SLC8A1: variants seen among roughly 807,000 people sequenced by gnomAD.
SLC8A1 encodes the protein sodium/calcium exchanger 1.
SLC8A1 carries 18 observed loss-of-function variants against 68.3 expected under a neutral mutation model. That is an observed-to-expected ratio of 0.26 (90% CI 0.18 to 0.39). The LOEUF (loss-of-function observed/expected upper bound fraction) is 0.39, where lower values mean the gene tolerates loss of function less well. Ranked by LOEUF, SLC8A1 falls within the 10% of genes least tolerant of loss-of-function variation. The pLI is 1.00. For synonymous variants in SLC8A1, 475 were observed against 415.5 expected, an observed-to-expected ratio of 1.14 and a Z score of -1.74; for missense variants, 985 against 1,156.7, an observed-to-expected ratio of 0.85 and a Z score of 2.15.
intron 2 of SLC8A1, among the ~76,000 whole-genome samples, chr2:40,273,960 C>T (rs912339083): frequency 6.6e-6 from 1 of 151,372 alleles, no homozygotes; most frequent in Non-Finnish European, 1.5e-5. Context: ...GGCTCTGTCC[C>T]CCAAGGCTGC....
intron 2 of SLC8A1, among the ~76,000 whole-genome samples, chr2:40,428,160 T>A (rs1412734503): frequency 6.6e-6 from 1 of 152,168 alleles, no homozygotes; most frequent in Non-Finnish European, 1.5e-5. Flanking sequence ...TTTCTCAGCC[T>A]GTCTTAAGTC....
intron 2 of SLC8A1, among the ~76,000 whole-genome samples, chr2:40,425,077 G>C (rs971875768): frequency 1.3e-5 from 2 of 151,690 alleles, no homozygotes; most frequent in Admixed American, 6.6e-5. Flanking sequence ...ATTCCCTGTT[G>C]TAAGTCAAAA....
intron 1 of SLC8A1, among the ~76,000 whole-genome samples, chr2:40,457,493 G>C (rs562481571): frequency 6.6e-6 from 1 of 152,280 alleles, no homozygotes; most frequent in South Asian, 2.1e-4. Flanking sequence ...AGCCCTTGAA[G>C]ATGAAACCTA....
intron 2 of SLC8A1, among the ~76,000 whole-genome samples, chr2:40,273,676 A>C (rs1435135155): frequency 6.6e-6 from 1 of 152,170 alleles, no homozygotes; most frequent in African/African-American, 2.4e-5. Context: ...GTGGCCCATT[A>C]ATCAGCAATT....
intron 2 of SLC8A1, among the ~76,000 whole-genome samples, chr2:40,373,057 C>T (rs564898729): frequency 6.6e-6 from 1 of 151,460 alleles, no homozygotes; most frequent in Non-Finnish European, 1.5e-5. Flanking sequence ...AAACTATGTC[C>T]TAGCCATAAA....
intron 1 of SLC8A1, among the ~76,000 whole-genome samples, chr2:40,434,314 CA>C (rs1698979529): frequency 6.6e-6 from 1 of 152,144 alleles, no homozygotes; most frequent in South Asian, 2.1e-4. Context: ...GGCAATGAAG[CA>C]ATTGGAAAGA....
intron 1 of SLC8A1, among the ~76,000 whole-genome samples, chr2:40,478,233 C>G (rs1288618979): frequency 1.1e-5 from 1 of 94,380 alleles, no homozygotes; most frequent in Non-Finnish European, 2.2e-5. Flanking sequence ...CCCGCCCTCA[C>G]ACACAATCAG....
At chr2:40,243,497 GAAAAGA>G (rs1432051082) in intron 2 of SLC8A1, among the ~76,000 whole-genome samples, 2 of 151,978 alleles carry the variant, frequency 1.3e-5, no homozygotes, top group Non-Finnish European at 2.9e-5. Context: ...AAGAGAAAAA[GAAAAGA>G]AAGATTTCTC....
intron 2 of SLC8A1, among the ~76,000 whole-genome samples, chr2:40,286,101 G>C (rs2068259412): frequency 1.3e-5 from 2 of 152,150 alleles, no homozygotes. Context: ...ATAGTGTCTA[G>C]TACACGACAG....
rs1403363726 is a variant in SLC8A1 at position 40,165,008 on chromosome 2, G to A, written c.1931-24C>T. ...GTCTGTGAAACGGAAGTATCAGAGA[G>A]TGAGCACTGTGTTCTGTTTAATTTG... On this transcript the variant is annotated intron_variant, in intron 4 of 7. Transcript: ENST00000406785. 5 of 1,613,050 alleles carry A rather than the reference G, an allele frequency of 3.1e-6. No homozygotes were observed. The East Asian group carries it at 6.7e-5, about 22-fold the overall frequency.
At chr2:40,224,992 T>C (rs1053798045) in intron 2 of SLC8A1, among the ~76,000 whole-genome samples, 2 of 152,188 alleles carry the variant, frequency 1.3e-5, no homozygotes, top group African/African-American at 4.8e-5. Flanking sequence ...GTTTGACTGA[T>C]GGAGAGCTAG....
intron 1 of SLC8A1, among the ~76,000 whole-genome samples, chr2:40,506,106 T>C (rs964818689): frequency 2.2e-4 from 4 of 17,958 alleles, no homozygotes; most frequent in African/African-American, 5.2e-4. Flanking sequence ...CATAGATCCT[T>C]TTTTTTTTTT....
intron 1 of SLC8A1, among the ~76,000 whole-genome samples, chr2:40,489,338 C>T (rs181508705): frequency 4.6e-5 from 7 of 152,198 alleles, no homozygotes; most frequent in Admixed American, 1.3e-4. Flanking sequence ...AAAAAGCATA[C>T]GTGCAAACAC....
At chr2:40,253,625 A>C (rs1225199303) in intron 2 of SLC8A1, among the ~76,000 whole-genome samples, 2 of 151,924 alleles carry the variant, frequency 1.3e-5, no homozygotes, top group Non-Finnish European at 2.9e-5. Flanking sequence ...CAGGAGTTCG[A>C]GGCCAGCCTG....
chr2:40,247,263 C>CA (rs1327508872), intron 2 of SLC8A1, among the ~76,000 whole-genome samples: 2 of 152,164 alleles, frequency 1.3e-5, no homozygotes, highest in Non-Finnish European at 2.9e-5. Flanking sequence ...GTCATGGGTG[C>CA]AGGCAGTGCT....
rs559252014 is a variant in SLC8A1 at position 40,398,423 on chromosome 2, A to G, written c.1808+30050T>C. ...GTATATTTGTTTTTCTACTGTATGT[A>G]GTTAAATTTTAAGTAACTTAAAGAA... On this transcript the variant is annotated intron_variant, in intron 2 of 7. Transcript: ENST00000406785. Among the ~76,000 whole-genome samples, 22 of 152,330 alleles carry G rather than the reference A, an allele frequency of 1.4e-4. 1 individual carries two copies. In the South Asian group the frequency reaches 4.6e-3, roughly 32 times the overall value.
At chr2:40,455,539 A>G (rs997348121), upstream of SLC8A1, among the ~76,000 whole-genome samples, 1 of 142,080 alleles carries the variant, frequency 7.0e-6, no homozygotes, top group Admixed American at 7.1e-5. Context: ...TGATTTCTAC[A>G]TAAGAAAATG....
At chr2:40,309,288 C>T (rs1215635517) in intron 2 of SLC8A1, among the ~76,000 whole-genome samples, 2 of 152,124 alleles carry the variant, frequency 1.3e-5, no homozygotes, top group Non-Finnish European at 2.9e-5. Context: ...ATATTTATTG[C>T]AGCTTCCTGT....
chr2:40,131,124 C>G (rs1161287407), intron 7 of SLC8A1, among the ~76,000 whole-genome samples: 5 of 152,164 alleles, frequency 3.3e-5, no homozygotes, highest in South Asian at 2.1e-4. Flanking sequence ...CTCACTACAA[C>G]TCTGTGAGAT....
Sources: allele counts gnomAD v4.1 joint callset (sites outside exome capture counted in the v4.1 genomes callset), GRCh38; gene constraint gnomAD v4.1.1; transcripts MANE v1.5; gene names NCBI Gene and HGNC (gene_info 2026-07-23, HGNC 2026-07-21).